Variants in PRKCE observed in about 807,000 individuals in gnomAD.
PRKCE encodes the protein protein kinase C epsilon, also known as protein kinase C epsilon type.
A neutral mutation model predicts 85.4 loss-of-function variants in PRKCE; 16 were observed. The observed-to-expected ratio is 0.19, with a 90% CI of 0.13 to 0.28. PRKCE has a LOEUF of 0.28. Ranked by LOEUF, PRKCE falls within the 10% of genes least tolerant of loss-of-function variation. The pLI, the probability that PRKCE is intolerant of heterozygous loss-of-function variation, is 1.00. For synonymous variants in PRKCE, 388 were observed against 371.5 expected (o/e 1.04, Z -0.51); for missense variants, 573 against 975.2 (o/e 0.59, Z 5.49).
chr2:46,048,121 C>T (rs561832065), intron 10 of PRKCE, among the ~76,000 whole-genome samples: 3 of 152,216 alleles, frequency 2.0e-5, no homozygotes, highest in Admixed American at 6.5e-5. Context: ...CCACCCCCTG[C>T]CCCTTCCATA....
At chr2:45,708,913 C>G (rs1679360572) in intron 1 of PRKCE, among the ~76,000 whole-genome samples, 1 of 152,168 alleles carries the variant, frequency 6.6e-6, no homozygotes, top group Non-Finnish European at 1.5e-5. Context: ...TCTCCAAATC[C>G]CTGCTTGGAA....
intron 2 of PRKCE, among the ~76,000 whole-genome samples, chr2:45,970,271 G>A (rs1267085622): frequency 6.6e-6 from 1 of 152,154 alleles, no homozygotes; most frequent in Non-Finnish European, 1.5e-5. Flanking sequence ...GTATGTCAGT[G>A]TATGCCAAAA....
intron 14 of PRKCE, among the ~76,000 whole-genome samples, chr2:46,177,280 A>T (rs547537700): frequency 2.0e-5 from 3 of 152,346 alleles, no homozygotes; most frequent in East Asian, 3.8e-4. Flanking sequence ...AAATTTTTTT[A>T]AATCAATTTC....
At chr2:46,007,867 G>A (rs146886687) in intron 9 of PRKCE, among the ~76,000 whole-genome samples, 2 of 152,324 alleles carry the variant, frequency 1.3e-5, no homozygotes, top group Non-Finnish European at 2.9e-5. Context: ...TTCAAGTAGT[G>A]ATTTAATCTC....
intron 2 of PRKCE, among the ~76,000 whole-genome samples, chr2:45,855,670 G>C (rs1051570394): frequency 1.3e-5 from 2 of 152,200 alleles, no homozygotes; most frequent in Non-Finnish European, 2.9e-5. Context: ...TGTGTGTCCT[G>C]TGAAGTAAGG....
rs551507592 is a variant in PRKCE, at chr2:45,886,922, G to T, written c.412+43859G>T. Among the ~76,000 whole-genome samples the T allele has an allele frequency of 3.3e-5, 5 of 152,290 alleles. No individual in the cohort carries two copies. The East Asian group carries it at 5.8e-4, about 18-fold the overall frequency. ...ATAGTTTTTTCCAAAGACCTTTCGG[G>T]TCTACTCTCAAGTTCTTTCCTATCT... On this transcript the variant is annotated intron_variant, in intron 2 of 14. Coordinates refer to ENST00000306156, the MANE Select transcript of PRKCE (RefSeq NM_005400.3).
intron 11 of PRKCE, among the ~76,000 whole-genome samples, chr2:46,097,236 C>CG (rs567093807): frequency 3.3e-4 from 50 of 152,144 alleles, no homozygotes; most frequent in Non-Finnish European, 6.0e-4. Context: ...GCTGCAAAGT[C>CG]GGCAGGGTGC....
At position 46,151,164 on chromosome 2, in the gene PRKCE, A is replaced by G; in HGVS notation, c.1855A>G (p.Ile619Val). Reference protein sequence around the residue: ...ADNEDDLFESILHDDVLYPVW... With the variant: ...ADNEDDLFESVLHDDVLYPVW... ...CAATGAGGACGACCTATTTGAGTCC[A>G]TCCTCCATGACGACGTGCTGTACCC... The change falls in exon 13 of 15, where the codon ATC (isoleucine) becomes GTC (valine). Residue 619 changes from isoleucine to valine, a missense_variant. Transcript: ENST00000306156. 6.3e-7 allele frequency: 1 copy of G among 1,599,568 alleles called. No homozygotes were observed.
At chr2:45,869,018 T>A (rs1437754335) in intron 2 of PRKCE, among the ~76,000 whole-genome samples, 2 of 151,990 alleles carry the variant, frequency 1.3e-5, no homozygotes, top group Non-Finnish European at 2.9e-5. Context: ...TGGTAGAATT[T>A]CCAGCTGTGT....
At chr2:45,988,737 A>C (rs905970449) in intron 6 of PRKCE, among the ~76,000 whole-genome samples, 1 of 152,194 alleles carries the variant, frequency 6.6e-6, no homozygotes, top group East Asian at 1.9e-4. Context: ...GAGCCCCTCA[A>C]CCACTATTAA....
intron 10 of PRKCE, among the ~76,000 whole-genome samples, chr2:46,021,618 C>T (rs974109883): frequency 1.5e-5 from 2 of 131,754 alleles, no homozygotes; most frequent in East Asian, 4.5e-4. Flanking sequence ...CTAGTTGCAG[C>T]AGGTGATCTA....
chr2:45,863,639 A>G (rs1693348890), intron 2 of PRKCE, among the ~76,000 whole-genome samples: 1 of 152,084 alleles, frequency 6.6e-6, no homozygotes, highest in African/African-American at 2.4e-5. Context: ...AGTAAGTGCA[A>G]TCCAGTGCCA....
At chr2:45,792,398 A>T (rs1345473292) in intron 1 of PRKCE, among the ~76,000 whole-genome samples, 1 of 152,182 alleles carries the variant, frequency 6.6e-6, no homozygotes, top group Non-Finnish European at 1.5e-5. Flanking sequence ...TGGCGGGGAC[A>T]ACTCAAATCA....
Position 45,786,817 on chromosome 2 carries a change from G to A in PRKCE, c.349-56183G>A, listed in dbSNP as rs1279539899. On this transcript the variant is annotated intron_variant, in intron 1 of 14. Coordinates refer to ENST00000306156, the MANE Select transcript of PRKCE (RefSeq NM_005400.3). This position sits in a 1 kb window ranked among gnomAD's most constrained non-coding sequence, Gnocchi z 5.3. Reference sequence around the variant, plus strand: ...CTACCCTCACCCCCGTTTTACAGAGGTGGAAACCGAGGGTTTAGACAGCTG... The same window carrying A: ...CTACCCTCACCCCCGTTTTACAGAGATGGAAACCGAGGGTTTAGACAGCTG... Among the ~76,000 whole-genome samples, 2 of 152,232 alleles carry A rather than the reference G, an allele frequency of 1.3e-5. No homozygotes were observed. The highest frequency in any genetic ancestry group is 2.4e-5 in the African/African-American group (1 of 41,456).
chr2:45,757,500 C>T (rs1003750338), intron 1 of PRKCE, among the ~76,000 whole-genome samples: 3 of 151,670 alleles, frequency 2.0e-5, no homozygotes, highest in Non-Finnish European at 4.4e-5. Context: ...GACTGTGTCT[C>T]TACAAAAAAT....
chr2:46,094,544 G>A (rs1670492186), intron 11 of PRKCE, among the ~76,000 whole-genome samples: 1 of 150,252 alleles, frequency 6.7e-6, no homozygotes, highest in Non-Finnish European at 1.5e-5. Flanking sequence ...AGCAAACACT[G>A]CATGTTCTCA....
intron 2 of PRKCE, among the ~76,000 whole-genome samples, chr2:45,890,724 A>G (rs1028757593): frequency 8.5e-5 from 13 of 152,134 alleles, no homozygotes; most frequent in Non-Finnish European, 1.8e-4. Flanking sequence ...TACTTAACTC[A>G]TGAGGGGCTT....
intron 2 of PRKCE, among the ~76,000 whole-genome samples, chr2:45,875,263 G>A (rs776784014): frequency 2.0e-5 from 3 of 152,182 alleles, no homozygotes; most frequent in Non-Finnish European, 4.4e-5. Flanking sequence ...TGAACCCAAG[G>A]TTCAACCAGC....
At chr2:45,866,523 G>C (rs1404602672) in intron 2 of PRKCE, among the ~76,000 whole-genome samples, 2 of 151,926 alleles carry the variant, frequency 1.3e-5, no homozygotes, top group Non-Finnish European at 2.9e-5. Flanking sequence ...TAGCCAGGAT[G>C]GTCTTGATCT....
Sources: gnomAD v4.1 joint callset for allele counts (sites outside exome capture counted in the v4.1 genomes callset) on GRCh38, gnomAD v4.1.1 for gene constraint, Gnocchi (gnomAD v3.1) non-coding constraint, MANE v1.5 for transcripts, NCBI Gene and HGNC (gene_info 2026-07-23, HGNC 2026-07-21) for gene names.